The following IL1RAPL1 variants were observed in gnomAD, a reference collection of about 807,000 sequenced individuals.
IL1RAPL1 encodes the protein interleukin 1 receptor accessory protein like 1.
Under a neutral mutation model 48.4 loss-of-function variants are expected in IL1RAPL1, and 3 were observed. The observed-to-expected ratio is 0.06, with a 90% CI of 0.03 to 0.16. The LOEUF is 0.16. Among genes scored for constraint, IL1RAPL1 ranks in the 10% least tolerant of loss-of-function variants. IL1RAPL1 has a pLI of 1.00. For missense variants in IL1RAPL1, 349 were observed against 530.6 expected, an observed-to-expected ratio of 0.66 and a Z score of 3.36; for synonymous variants, 185 against 187.7, an observed-to-expected ratio of 0.99 and a Z score of 0.12.
chrX:28,956,656 C>T (rs1315327531), intron 2 of IL1RAPL1, among the ~76,000 whole-genome samples: 1,211 of 103,954 alleles, frequency 0.012, 54 homozygotes, highest in Admixed American at 0.11. Context: ...CTGCTGGATT[C>T]GGTTTGCCAG....
chrX:29,419,247 TACATATACGTAATG>T (rs1934260920), intron 5 of IL1RAPL1, among the ~76,000 whole-genome samples: 1 of 111,684 alleles, frequency 9.0e-6, no homozygotes, highest in Admixed American at 9.6e-5. Context: ...AATAATTAAT[TACATATACGTAATG>T]ACATATACTT....
intron 6 of IL1RAPL1, among the ~76,000 whole-genome samples, chrX:29,900,728 T>C (rs1217526369): frequency 1.8e-5 from 2 of 111,598 alleles, no homozygotes; most frequent in East Asian, 5.6e-4. Flanking sequence ...TGGGAAAGTA[T>C]TAGGGGATTA....
intron 6 of IL1RAPL1, among the ~76,000 whole-genome samples, chrX:29,782,569 G>A (rs1929371677): frequency 9.0e-6 from 1 of 111,217 alleles, no homozygotes; most frequent in Non-Finnish European, 1.9e-5. Context: ...TAATTAAAAT[G>A]GAAGGGGATG....
At chrX:29,337,049 C>G (rs916489942) in intron 3 of IL1RAPL1, among the ~76,000 whole-genome samples, 15 of 110,721 alleles carry the variant, frequency 1.4e-4, no homozygotes, top group African/African-American at 4.9e-4. Context: ...AAGGTCCCCC[C>G]AGTCTCCTCC....
At chrX:29,079,817 G>A (rs1334288276) in intron 2 of IL1RAPL1, among the ~76,000 whole-genome samples, 1 of 111,329 alleles carries the variant, frequency 9.0e-6, no homozygotes, top group African/African-American at 3.3e-5. Flanking sequence ...TAAAATGAGA[G>A]GGAAGAGTCC....
rs978779672 is a variant in IL1RAPL1, at chrX:29,616,575, C to T, written c.704-51855C>T. Among the ~76,000 whole-genome samples, 6 of 106,020 alleles carry T rather than the reference C, an allele frequency of 5.7e-5. No homozygotes were observed. In the South Asian group the frequency reaches 1.8e-3, roughly 31 times the overall value. The allele number at this position is 106,020 out of a possible 115,157, so 92.1% of individuals were successfully genotyped here. On this transcript the variant is annotated intron_variant, in intron 5 of 10. Coordinates refer to ENST00000378993, the MANE Select transcript of IL1RAPL1 (RefSeq NM_014271.4). ...ATTCCCACCTATGAGTGAGAACATG[C>T]GGTGTTTGGTTTTTTGTCCTTGTAG...
chrX:29,222,443 CA>C (rs1931000474), intron 2 of IL1RAPL1, among the ~76,000 whole-genome samples: 1 of 111,893 alleles, frequency 8.9e-6, no homozygotes, highest in African/African-American at 3.3e-5. Flanking sequence ...GCCTCTGGAA[CA>C]ATGTTTAGAA....
intron 2 of IL1RAPL1, among the ~76,000 whole-genome samples, chrX:29,095,518 A>G (rs1928194683): frequency 8.9e-6 from 1 of 112,062 alleles, no homozygotes; most frequent in South Asian, 3.7e-4. Context: ...AACAAAGCCC[A>G]TTAATCCATG....
intron 1 of IL1RAPL1, among the ~76,000 whole-genome samples, chrX:28,634,897 A>G (rs1208876581): frequency 9.0e-6 from 1 of 111,677 alleles, no homozygotes; most frequent in Non-Finnish European, 1.9e-5. Context: ...ATATTTTCAA[A>G]TGATATTTGG....
At chrX:29,602,634 T>G (rs2147062938) in intron 5 of IL1RAPL1, among the ~76,000 whole-genome samples, 1 of 112,459 alleles carries the variant, frequency 8.9e-6, no homozygotes, top group African/African-American at 3.2e-5. Context: ...AATCAAATCC[T>G]TAATGGAAAA....
chrX:29,887,564 C>T (rs776540155), intron 6 of IL1RAPL1, among the ~76,000 whole-genome samples: 6 of 112,128 alleles, frequency 5.4e-5, no homozygotes, highest in Non-Finnish European at 1.9e-5. Flanking sequence ...ATGAGGCTGT[C>T]ACATATTTCA....
chrX:29,017,726 G>GA (rs1308665531), intron 2 of IL1RAPL1, among the ~76,000 whole-genome samples: 1 of 111,936 alleles, frequency 8.9e-6, no homozygotes, highest in Admixed American at 9.5e-5. Flanking sequence ...AGAATGGACA[G>GA]AATTGATGTT....
chrX:28,650,095 A>T (rs901026823), intron 1 of IL1RAPL1, among the ~76,000 whole-genome samples: 1 of 111,919 alleles, frequency 8.9e-6, no homozygotes, highest in Non-Finnish European at 1.9e-5. Context: ...CACATGAAGG[A>T]TTCATATTCT....
chrX:28,672,589 C>T (rs1382076284), intron 1 of IL1RAPL1, among the ~76,000 whole-genome samples: 1 of 111,026 alleles, frequency 9.0e-6, no homozygotes, highest in Non-Finnish European at 1.9e-5. Flanking sequence ...TATCTAACTT[C>T]TATTAATTCT....
At chrX:29,882,829 A>G (rs768090589) in intron 6 of IL1RAPL1, among the ~76,000 whole-genome samples, 8 of 111,939 alleles carry the variant, frequency 7.1e-5, no homozygotes, top group African/African-American at 2.6e-4. Flanking sequence ...ATATGTCACA[A>G]TCATACAGGC....
At chrX:28,903,647 C>T (rs1199421519) in intron 2 of IL1RAPL1, among the ~76,000 whole-genome samples, 2 of 110,215 alleles carry the variant, frequency 1.8e-5, no homozygotes, top group East Asian at 5.7e-4. Flanking sequence ...ATGATAATAG[C>T]TTAACCAAAT....
intron 8 of IL1RAPL1, among the ~76,000 whole-genome samples, chrX:29,925,683 G>T (rs1443155638): frequency 9.4e-6 from 1 of 106,832 alleles, no homozygotes; most frequent in African/African-American, 3.4e-5. Context: ...GACTACAGGT[G>T]CATGCCACTA....
intron 2 of IL1RAPL1, among the ~76,000 whole-genome samples, chrX:29,174,555 T>C (rs1929970638): frequency 8.9e-6 from 1 of 111,968 alleles, no homozygotes; most frequent in African/African-American, 3.2e-5. Flanking sequence ...TGACCAGTGG[T>C]TAATAGTTTT....
intron 3 of IL1RAPL1, chrX:29,369,493 C>G (rs1933514668): frequency 9.0e-6 from 1 of 111,552 alleles, no homozygotes; most frequent in South Asian, 3.8e-4. Context: ...CCCCAAAGCC[C>G]AGGCTCCGCA....
Sources: allele counts gnomAD v4.1 joint callset (sites outside exome capture counted in the v4.1 genomes callset), GRCh38; gene constraint gnomAD v4.1.1; transcripts MANE v1.5; gene names NCBI Gene and HGNC (gene_info 2026-07-23, HGNC 2026-07-21).